CATSPER3: variants seen among roughly 807,000 people sequenced by gnomAD.
CATSPER3 encodes cation channel sperm-associated protein 3.
CATSPER3 carries 23 observed loss-of-function variants against 36.6 expected under a neutral mutation model. That is an observed-to-expected ratio of 0.63 (90% CI 0.45 to 0.89). CATSPER3 has a LOEUF of 0.89. Among genes scored for constraint, CATSPER3 ranks in the 40% least tolerant of loss-of-function variants. The pLI is 0.00. For missense variants in CATSPER3, 474 were observed against 503.9 expected (o/e 0.94, Z 0.57); for synonymous variants, 172 against 184.1 (o/e 0.93, Z 0.53).
chr5:135,007,938 C>T lies in CATSPER3; in HGVS notation c.493-19C>T. The T allele has an allele frequency of 6.2e-7, 1 of 1,612,656 alleles. No individual in the cohort carries two copies. The highest frequency in any genetic ancestry group is 1.1e-5 in the South Asian group (1 of 91,026). ...AGCTTGGTGGTACCCTCGCCTACCA[C>T]AGTGTCCCTGCCTTGCAGACGCTGA... On this transcript the variant is annotated intron_variant, in intron 3 of 7. Transcript: ENST00000282611.
chr5:134,999,097 G>A (rs1751989356), intron 3 of CATSPER3, among the ~76,000 whole-genome samples: 1 of 152,058 alleles, frequency 6.6e-6, no homozygotes, highest in South Asian at 2.1e-4. Flanking sequence ...TGTATAAGGT[G>A]TAAGGAAGGG....
At chr5:135,009,233 G>C (rs972320017) in intron 5 of CATSPER3, 138 bp from the exon 6 acceptor site, 1 of 1,020,148 alleles carries the variant, frequency 9.8e-7, no homozygotes, top group African/African-American at 1.6e-5. Flanking sequence ...TTGGCAGCTT[G>C]AGTGGCGGCT....
chr5:134,990,052 T>C (rs1446346340), intron 2 of CATSPER3, among the ~76,000 whole-genome samples: 1 of 152,152 alleles, frequency 6.6e-6, no homozygotes. Context: ...AGTCCGAACA[T>C]GCACATTCAT....
At chr5:135,002,685 C>G (rs1044275914) in intron 3 of CATSPER3, among the ~76,000 whole-genome samples, 1 of 152,168 alleles carries the variant, frequency 6.6e-6, no homozygotes, top group South Asian at 2.1e-4. Flanking sequence ...CTAAACTTCT[C>G]GCTTCATTTC....
chr5:134,973,064 A>G (rs551560374), intron 2 of CATSPER3, among the ~76,000 whole-genome samples: 22 of 152,338 alleles, frequency 1.4e-4, no homozygotes, highest in South Asian at 8.3e-4. Context: ...TAAAGGACAT[A>G]GACAAATTCA....
intron 2 of CATSPER3, among the ~76,000 whole-genome samples, chr5:134,992,531 C>G (rs1221838815): frequency 1.3e-5 from 2 of 152,126 alleles, no homozygotes; most frequent in African/African-American, 4.8e-5. Context: ...TCGAGACCAG[C>G]TTGGCCAACA....
At chr5:134,969,161 T>G (rs577277057) in intron 1 of CATSPER3, 2 of 152,228 alleles carry the variant, frequency 1.3e-5, no homozygotes, top group Non-Finnish European at 2.9e-5. Flanking sequence ...TTCTCAGTGC[T>G]GGAAAAAATA....
chr5:135,010,319 C>G, intron 6 of CATSPER3, 54 bp from the exon 7 acceptor site: 1 of 1,502,858 alleles, frequency 6.7e-7, no homozygotes, highest in Non-Finnish European at 9.3e-7. Context: ...TGTCTCTGTG[C>G]AGCTCGGCTG....
intron 3 of CATSPER3, among the ~76,000 whole-genome samples, chr5:135,007,536 A>T (rs1021664687): frequency 1.3e-5 from 2 of 151,912 alleles, no homozygotes; most frequent in African/African-American, 4.8e-5. Context: ...CTGTATACTC[A>T]CTCCCAGAGT....
intron 2 of CATSPER3, among the ~76,000 whole-genome samples, chr5:134,979,140 A>C (rs1751717725): frequency 6.6e-6 from 1 of 151,058 alleles, no homozygotes; most frequent in Non-Finnish European, 1.5e-5. Context: ...AGCAGACTTT[A>C]TTTGTTTGTT....
chr5:134,991,053 C>G (rs1751872997), intron 2 of CATSPER3, among the ~76,000 whole-genome samples: 2 of 151,840 alleles, frequency 1.3e-5, no homozygotes, highest in South Asian at 4.2e-4. Context: ...CAAGAGCATC[C>G]AAAAGGATAA....
chr5:134,982,919 A>G (rs1170971560), intron 2 of CATSPER3, among the ~76,000 whole-genome samples: 2 of 152,338 alleles, frequency 1.3e-5, no homozygotes, highest in East Asian at 3.9e-4. Context: ...ATGAAGGGAG[A>G]GAGATGAAGC....
At chr5:134,988,261 G>A (rs1389815288) in intron 2 of CATSPER3, among the ~76,000 whole-genome samples, 1 of 152,250 alleles carries the variant, frequency 6.6e-6, no homozygotes, top group Non-Finnish European at 1.5e-5. Context: ...TTGCCTTGAT[G>A]TTGATGGCTG....
At chr5:134,986,712 C>G (rs993027244) in intron 2 of CATSPER3, among the ~76,000 whole-genome samples, 4 of 152,198 alleles carry the variant, frequency 2.6e-5, no homozygotes, top group Admixed American at 6.5e-5. Flanking sequence ...ATCCACCTGC[C>G]TCAGCCTCCC....
chr5:134,982,815 T>C (rs1042975560), intron 2 of CATSPER3, among the ~76,000 whole-genome samples: 2 of 152,228 alleles, frequency 1.3e-5, no homozygotes, highest in Admixed American at 6.5e-5. Context: ...TGTATTTTGA[T>C]TTGTAACTCT....
chr5:134,971,010 C>T (rs548293888), intron 2 of CATSPER3, among the ~76,000 whole-genome samples: 24 of 151,458 alleles, frequency 1.6e-4, no homozygotes, highest in African/African-American at 2.9e-4. Flanking sequence ...AGTGCAGTGG[C>T]GCAATCTCGG....
At chr5:134,968,883 A>T (rs1246176348) in intron 1 of CATSPER3, 1 of 152,176 alleles carries the variant, frequency 6.6e-6, no homozygotes, top group Admixed American at 6.5e-5. Context: ...CCATAGACAG[A>T]CACTGTTAAA....
intron 5 of CATSPER3, 39 bp from the exon 6 acceptor site, chr5:135,009,332 C>G (rs751586672): frequency 6.2e-7 from 1 of 1,606,562 alleles, no homozygotes; most frequent in Admixed American, 1.7e-5. Flanking sequence ...GGGCATGTAG[C>G]GAGAGCCTGT....
At chr5:135,007,288 T>A (rs1752100650) in intron 3 of CATSPER3, among the ~76,000 whole-genome samples, 1 of 152,218 alleles carries the variant, frequency 6.6e-6, no homozygotes, top group Non-Finnish European at 1.5e-5. Context: ...CTTGAGGTTA[T>A]GTCTGTGAAA....
Sources: gnomAD v4.1 joint callset for allele counts (sites outside exome capture counted in the v4.1 genomes callset) on GRCh38, gnomAD v4.1.1 for gene constraint, MANE v1.5 for transcripts, NCBI Gene and HGNC (gene_info 2026-07-23, HGNC 2026-07-21) for gene names.